SLCO2B1: variants seen among roughly 807,000 people sequenced by gnomAD.
SLCO2B1 encodes OATP-RP2.
Under a neutral mutation model 67.3 loss-of-function variants are expected in SLCO2B1, and 41 were observed. The observed-to-expected ratio is 0.61, with a 90% CI of 0.47 to 0.79. The LOEUF is 0.79. SLCO2B1 is among the 30% of genes least tolerant of loss of function. The pLI, the probability that SLCO2B1 is intolerant of heterozygous loss-of-function variation, is 0.00. For synonymous variants in SLCO2B1, 379 were observed against 381.4 expected (o/e 0.99, Z 0.07); for missense variants, 837 against 920.1 (o/e 0.91, Z 1.17).
At chr11:75,182,523 AC>A (rs1950103149) in intron 7 of SLCO2B1, among the ~76,000 whole-genome samples, 1 of 152,186 alleles carries the variant, frequency 6.6e-6, no homozygotes. Context: ...CGGCCAGATC[AC>A]CCGAGGTCAG....
At chr11:75,194,751 A>G (rs1565548899) in intron 9 of SLCO2B1, among the ~76,000 whole-genome samples, 1 of 152,162 alleles carries the variant, frequency 6.6e-6, no homozygotes, top group Non-Finnish European at 1.5e-5. Context: ...AAGTAAATGG[A>G]TATTTTATCA....
intron 7 of SLCO2B1, among the ~76,000 whole-genome samples, chr11:75,178,215 C>G (rs186569356): frequency 1.5e-3 from 230 of 152,238 alleles, no homozygotes; most frequent in African/African-American, 5.0e-3. Flanking sequence ...TATGGTGGCC[C>G]CACCATACCA....
chr11:75,184,345 G>A (rs1950124648), intron 7 of SLCO2B1, among the ~76,000 whole-genome samples: 1 of 152,180 alleles, frequency 6.6e-6, no homozygotes, highest in African/African-American at 2.4e-5. Flanking sequence ...TGTCAAATAA[G>A]GTTTGCCTCA....
At chr11:75,173,731 C>T (rs1450942123) in intron 7 of SLCO2B1, among the ~76,000 whole-genome samples, 1 of 152,008 alleles carries the variant, frequency 6.6e-6, no homozygotes, top group Non-Finnish European at 1.5e-5. Context: ...TTCAGATACC[C>T]ACAAAAACAC....
At chr11:75,173,946 G>A (rs1448185291) in intron 7 of SLCO2B1, among the ~76,000 whole-genome samples, 1 of 152,046 alleles carries the variant, frequency 6.6e-6, no homozygotes, top group African/African-American at 2.4e-5. Flanking sequence ...GGGATTACAG[G>A]TGTGTGCCAC....
intron 6 of SLCO2B1, among the ~76,000 whole-genome samples, chr11:75,171,442 G>C (rs1166452237): frequency 6.6e-6 from 1 of 152,106 alleles, no homozygotes; most frequent in Non-Finnish European, 1.5e-5. Context: ...TTTATTTGTA[G>C]AGACAGGGCC....
rs35199625 is a variant in SLCO2B1, at chr11:75,169,325, G to A, written c.601G>A (p.Val201Met). 23,970 of 1,614,034 alleles carry A rather than the reference G, an allele frequency of 0.015. 301 individuals carry two copies. Among genetic ancestry groups the A allele is most frequent in the East Asian group, 0.062 (2,790 of 44,864 alleles). The stretch of plus-strand genomic sequence containing the variant: ...GTTCGTGGCACAGACCCTGCTGGGC[G>A]TGGGCGGGGTGCCCATTCAGCCCTT... Reference protein sequence around the residue: ...IMFVAQTLLGVGGVPIQPFGI... With the variant: ...IMFVAQTLLGMGGVPIQPFGI... Residue 201 changes from valine to methionine, a missense_variant, in exon 5 of 14, where the codon GTG becomes ATG. Val to Met is a conservative substitution (Grantham distance 21). Coordinates refer to ENST00000289575, the MANE Select transcript of SLCO2B1 (RefSeq NM_007256.5).
At chr11:75,190,068 G>T (rs543889152) in intron 8 of SLCO2B1, among the ~76,000 whole-genome samples, 1 of 152,240 alleles carries the variant, frequency 6.6e-6, no homozygotes, top group East Asian at 1.9e-4. Context: ...GCATGGTGCT[G>T]GGCCTAGACG....
In SLCO2B1 at chr11:75,205,191, G is replaced by A. The variant is rs1364563299; in HGVS notation, c.*611G>A. 6.6e-6 allele frequency: 1 copy of A among 152,414 alleles called. No individual in the cohort carries two copies. 9.4% of individuals were successfully genotyped at this position (152,414 alleles called of 1,614,324 possible). On this transcript the variant is annotated 3_prime_UTR_variant, in exon 14 of 14. Transcript: ENST00000289575. ...AGGGAGGACGGAGCTGGCCTCAGGAGTGGGACACCCAGACTTGGCAGGGCC... is the reference window on the plus strand; with the variant it reads ...AGGGAGGACGGAGCTGGCCTCAGGAATGGGACACCCAGACTTGGCAGGGCC...
chr11:75,175,418 C>T (rs796334107), intron 7 of SLCO2B1, among the ~76,000 whole-genome samples: 11 of 152,148 alleles, frequency 7.2e-5, no homozygotes, highest in South Asian at 2.1e-4. Context: ...TTCTGCAGGG[C>T]GAGAGAATGG....
chr11:75,163,660 G>A (rs1032819616), intron 2 of SLCO2B1, among the ~76,000 whole-genome samples: 1 of 152,070 alleles, frequency 6.6e-6, no homozygotes. Context: ...AGTGTACCCA[G>A]GATAGCTTTT....
chr11:75,164,409 G>C (rs1348153947), intron 3 of SLCO2B1, among the ~76,000 whole-genome samples: 1 of 152,162 alleles, frequency 6.6e-6, no homozygotes, highest in East Asian at 1.9e-4. Context: ...ACTATTGCCT[G>C]TCCCAGGAAG....
chr11:75,159,927 C>T, intron 1 of SLCO2B1: 2 of 917,730 alleles, frequency 2.2e-6, no homozygotes, highest in South Asian at 1.0e-4. Context: ...CATGAGTGGG[C>T]AGGTGAGAGG....
intron 1 of SLCO2B1, among the ~76,000 whole-genome samples, chr11:75,160,493 C>A (rs1486994686): frequency 6.6e-6 from 1 of 152,200 alleles, no homozygotes; most frequent in Admixed American, 6.5e-5. Context: ...CAGCAGGAAA[C>A]CCACTGCGGC....
chr11:75,151,529 C>T lies in SLCO2B1; in HGVS notation c.16+132C>T, dbSNP rs960905975. The T allele has an allele frequency of 7.0e-5, 62 of 888,244 alleles. No individual in the cohort carries two copies. The Middle Eastern group carries it at 9.3e-4, about 13-fold the overall frequency. 55.0% of individuals were successfully genotyped at this position (888,244 alleles called of 1,614,324 possible). A position where few individuals can be genotyped will look rare whatever the true frequency, so the allele number is the denominator to read the frequency against. ...ACAGCTGTTGGCACAGAGCCAGGCA[C>T]ATGGCCGGAGTTCAGTGAAGGTGTG... is the stretch of plus-strand genomic sequence containing the variant. On this transcript the variant is annotated intron_variant, in intron 1 of 13. Coordinates refer to ENST00000289575, the MANE Select transcript of SLCO2B1 (RefSeq NM_007256.5).
At chr11:75,155,763 A>AC (rs1452767803) in intron 1 of SLCO2B1, among the ~76,000 whole-genome samples, 2 of 152,194 alleles carry the variant, frequency 1.3e-5, no homozygotes, top group Non-Finnish European at 1.5e-5. Flanking sequence ...GCCAGGCGTG[A>AC]GCCAGGCCTC....
intron 7 of SLCO2B1, among the ~76,000 whole-genome samples, chr11:75,180,932 G>T (rs907880056): frequency 3.3e-5 from 5 of 152,158 alleles, no homozygotes; most frequent in Non-Finnish European, 5.9e-5. Flanking sequence ...AGAGCGAAAG[G>T]TTCTCAGAAT....
chr11:75,181,813 A>C (rs1371698584), intron 7 of SLCO2B1, among the ~76,000 whole-genome samples: 2 of 152,220 alleles, frequency 1.3e-5, no homozygotes, highest in Non-Finnish European at 2.9e-5. Flanking sequence ...AACACAGCCC[A>C]GATGGGTCAC....
chr11:75,193,303 T>A lies in SLCO2B1; in HGVS notation c.1161T>A (p.Ala387=), dbSNP rs1945052079. 6.2e-7 allele frequency: 1 copy of A among 1,613,922 alleles called. No individual in the cohort carries two copies. Among genetic ancestry groups the A allele is most frequent in the East Asian group, 2.2e-5 (1 of 44,880 alleles). ...CCCAGGTATGCTTGTCATCCATGGC[T>A]GCGGGCATGGCCACCTTCCTGCCCA... is the stretch of plus-strand genomic sequence containing the variant. ...VLSQVCLSSM[A]AGMATFLPKF... Residue 387 remains alanine, a synonymous_variant, in exon 9 of 14, where the codon GCT becomes GCA. Transcript: ENST00000289575. This position sits in a 1 kb window ranked among gnomAD's most constrained non-coding sequence, Gnocchi z 4.2.
Sources: gnomAD v4.1 joint callset for allele counts (sites outside exome capture counted in the v4.1 genomes callset) on GRCh38, gnomAD v4.1.1 for gene constraint, Gnocchi (gnomAD v3.1) non-coding constraint, MANE v1.5 for transcripts, NCBI Gene and HGNC (gene_info 2026-07-23, HGNC 2026-07-21) for gene names.